Variants in RNF214 observed in about 807,000 individuals in gnomAD.
RNF214 encodes ring finger protein 214.
In RNF214, 25 loss-of-function variants were observed where a neutral mutation model predicts 75.9. That is an observed-to-expected ratio of 0.33 (90% CI 0.24 to 0.46). The LOEUF is 0.46. RNF214 is among the 20% of genes least tolerant of loss of function. The pLI is 1.00. For missense variants in RNF214, 725 were observed against 857.5 expected (o/e 0.85, Z 1.93); for synonymous variants, 314 against 308.8 (o/e 1.02, Z -0.18).
chr11:117,260,117 ATG>A (rs1208011093), intron 6 of RNF214, among the ~76,000 whole-genome samples: 7 of 151,320 alleles, frequency 4.6e-5, no homozygotes, highest in Non-Finnish European at 8.8e-5. Context: ...CAACATTGGA[ATG>A]TGTGTTTGTT....
chr11:117,281,478 C>T (rs528381764), intron 9 of RNF214, 74 bp downstream of exon 9: 3 of 1,402,868 alleles, frequency 2.1e-6, no homozygotes, highest in East Asian at 2.3e-5. Context: ...GGGAGGTAGC[C>T]TTTTGCATTG....
In RNF214 at chr11:117,239,057, G is replaced by C; in HGVS notation, c.564G>C (p.Gln188His). The C allele has an allele frequency of 6.2e-7, 1 of 1,614,058 alleles. No individual in the cohort carries two copies. The change falls in exon 3 of 15, where the codon CAG becomes CAC. Residue 188 changes from glutamine (Q) to histidine (H), a missense_variant. Around this residue, in one of 2 missense-constraint regions of RNF214, gnomAD observed 362 missense variants for 344.5 expected, o/e 1.05. Coordinates refer to ENST00000300650, the MANE Select transcript of RNF214 (RefSeq NM_207343.4). ...GGGTTGAAGGAGTCCGAGTGGATCA[G>C]GATGATGATCAAGATAGCTCTTCCC... ...ANGVEGVRVD[Q>H]DDDQDSSSLK... is the part of the protein sequence containing the mutation.
chr11:117,236,982 C>G (rs1016119036), intron 2 of RNF214, among the ~76,000 whole-genome samples: 1 of 152,102 alleles, frequency 6.6e-6, no homozygotes, highest in East Asian at 1.9e-4. Flanking sequence ...AAATGGTGGG[C>G]GGAGTCAGGA....
At chr11:117,276,124 T>C (rs2034011690) in intron 6 of RNF214, among the ~76,000 whole-genome samples, 1 of 152,136 alleles carries the variant, frequency 6.6e-6, no homozygotes, top group Middle Eastern at 3.4e-3. Context: ...ATAAACCGAA[T>C]TAAAAACCAT....
In RNF214 at chr11:117,234,261, G is replaced by T. The variant is rs1470195845; in HGVS notation, c.-6-6G>T. The T allele has an allele frequency of 6.2e-7, 1 of 1,603,888 alleles. No individual in the cohort carries two copies. Among genetic ancestry groups the T allele is most frequent in the South Asian group, 1.1e-5 (1 of 90,874 alleles). On this transcript the variant is annotated splice_region_variant and splice_polypyrimidine_tract_variant and intron_variant, in intron 1 of 14. Coordinates refer to ENST00000300650, the MANE Select transcript of RNF214 (RefSeq NM_207343.4). The stretch of plus-strand genomic sequence containing the variant: ...TGTAGCCTGTAATTTGTTTCTGAAT[G>T]TACAGAGCATAATGGCAGCGTCTGA...
intron 6 of RNF214, among the ~76,000 whole-genome samples, chr11:117,274,159 A>G (rs1277795601): frequency 3.9e-5 from 6 of 151,972 alleles, no homozygotes; most frequent in Admixed American, 3.9e-4. Context: ...CATACAGTTT[A>G]TAGGGACAGT....
chr11:117,283,184 G>A lies in RNF214; in HGVS notation c.2020G>A (p.Ala674Thr), dbSNP rs1049219720. The A allele has an allele frequency of 6.2e-7, 1 of 1,613,782 alleles. No homozygotes were observed. ...CCAGCCCAGTGAGCTGCATCCAATG[G>A]CGTGTACCCATGTATTGCACAAGGA... ...LVQPSELHPM[A>T]CTHVLHKECI... Residue 674 changes from alanine (A) to threonine (T), a missense_variant, in exon 14 of 15, where the codon GCG becomes ACG. Coordinates refer to ENST00000300650, the MANE Select transcript of RNF214 (RefSeq NM_207343.4).
chr11:117,239,473 G>C (rs905244046), intron 3 of RNF214: 8 of 457,860 alleles, frequency 1.7e-5, no homozygotes, highest in Non-Finnish European at 3.1e-5. Flanking sequence ...GAAGTACAGT[G>C]TATCCTGCCT....
Position 117,280,051 on chromosome 11 carries a change from A to G in RNF214, c.1056+47A>G, listed in dbSNP as rs1591842248. 2.6e-6 allele frequency: 4 copies of G among 1,544,204 alleles called. No individual in the cohort carries two copies. In the African/African-American group the frequency reaches 5.4e-5, roughly 21 times the overall value. The stretch of plus-strand genomic sequence containing the variant: ...TTGAAAGTCTTAGTTTCAGGCTTCC[A>G]GATGGTATCTACTTTTGGCATTGTA... On this transcript the variant is annotated intron_variant, in intron 7 of 14. Transcript: ENST00000300650.
chr11:117,268,454 TC>T (rs1218696999), intron 6 of RNF214, among the ~76,000 whole-genome samples: 1 of 152,150 alleles, frequency 6.6e-6, no homozygotes, highest in Non-Finnish European at 1.5e-5. Flanking sequence ...AAGATTGGGG[TC>T]GGGGGGAGTC....
intron 6 of RNF214, among the ~76,000 whole-genome samples, chr11:117,256,778 A>T (rs1408652011): frequency 6.6e-6 from 1 of 152,180 alleles, no homozygotes; most frequent in African/African-American, 2.4e-5. Flanking sequence ...GTGGGAAAGG[A>T]CTACACAGAA....
intron 6 of RNF214, among the ~76,000 whole-genome samples, chr11:117,272,608 A>C (rs1565345089): frequency 2.0e-5 from 3 of 151,600 alleles, no homozygotes; most frequent in Non-Finnish European, 4.4e-5. Flanking sequence ...GTAAAATTAA[A>C]ATTTTTTTTT....
intron 3 of RNF214, 187 bp downstream of exon 3, chr11:117,239,298 A>T: frequency 1.6e-6 from 1 of 609,016 alleles, no homozygotes. Context: ...TCAGTAAATA[A>T]GAAAGCCAGT....
At chr11:117,247,717 G>A (rs1591822198) in intron 6 of RNF214, among the ~76,000 whole-genome samples, 2 of 151,992 alleles carry the variant, frequency 1.3e-5, no homozygotes, top group Admixed American at 6.5e-5. Flanking sequence ...CAGGCGTGGC[G>A]GCGTGCACCT....
In RNF214 at chr11:117,232,676, ACCCCTCCCCCCGTGGCTCGGCCGC is replaced by A. The variant is rs1206552725; in HGVS notation, c.-44_-21del. Reference sequence around the variant, plus strand: ...GGTGCCGCGCGCGGGCCGGCGCTCGACCCCTCCCCCCGTGGCTCGGCCGCCCCCTCCCCCCGCTCCGCCCGCTCA... The same window carrying A: ...GGTGCCGCGCGCGGGCCGGCGCTCGACCCCTCCCCCCGCTCCGCCCGCTCA... On this transcript the variant is annotated 5_prime_UTR_variant, in exon 1 of 15. Transcript: ENST00000300650. 6.9e-6 allele frequency: 1 copy of A among 144,950 alleles called. No homozygotes were observed. The highest frequency in any genetic ancestry group is 1.5e-5 in the Non-Finnish European group (1 of 65,776). 9.0% of individuals were successfully genotyped at this position (144,950 alleles called of 1,614,324 possible).
At chr11:117,274,222 G>A (rs2033965529) in intron 6 of RNF214, among the ~76,000 whole-genome samples, 1 of 152,068 alleles carries the variant, frequency 6.6e-6, no homozygotes, top group Non-Finnish European at 1.5e-5. Flanking sequence ...CATGTGCAAT[G>A]TGCATACACA....
Position 117,256,311 on chromosome 11 carries a change from A to G in RNF214, c.959+9363A>G, listed in dbSNP as rs1172710794. 2.0e-5 allele frequency among the ~76,000 whole-genome samples: 3 copies of G among 152,268 alleles called. No individual in the cohort carries two copies. The East Asian group carries it at 5.8e-4, about 29-fold the overall frequency. The stretch of plus-strand genomic sequence containing the variant: ...GTTTTGATTAGCTGTCACTGTGTAA[A>G]AATACCACTGTAAAAGTTAATATCT... On this transcript the variant is annotated intron_variant, in intron 6 of 14. Coordinates refer to ENST00000300650, the MANE Select transcript of RNF214 (RefSeq NM_207343.4).
chr11:117,234,462 G>T (rs2032845084), intron 2 of RNF214, 83 bp downstream of exon 2: 1 of 927,990 alleles, frequency 1.1e-6, no homozygotes, highest in South Asian at 1.3e-5. Flanking sequence ...CTTTCTTTTT[G>T]GCTCTGATGG....
At chr11:117,236,164 T>C (rs2032904293) in intron 2 of RNF214, among the ~76,000 whole-genome samples, 1 of 152,138 alleles carries the variant, frequency 6.6e-6, no homozygotes, top group African/African-American at 2.4e-5. Flanking sequence ...TTTCACCATG[T>C]TGACCAGACT....
Sources: allele counts gnomAD v4.1 joint callset (sites outside exome capture counted in the v4.1 genomes callset), GRCh38; gene constraint gnomAD v4.1.1; regional missense constraint gnomAD v4.1.1; transcripts MANE v1.5; gene names NCBI Gene and HGNC (gene_info 2026-07-23, HGNC 2026-07-21).